MAPT: variants seen among roughly 807,000 people sequenced by gnomAD.
The protein encoded by MAPT is microtubule-associated protein tau.
A neutral mutation model predicts 67.9 loss-of-function variants in MAPT; 34 were observed. That is an observed-to-expected ratio of 0.50 (90% CI 0.38 to 0.67). The LOEUF is 0.67. Ranked by LOEUF, MAPT falls within the 30% of genes least tolerant of loss-of-function variation. The pLI is 0.00. For synonymous variants in MAPT, 456 were observed against 464.5 expected, an observed-to-expected ratio of 0.98 and a Z score of 0.23; for missense variants, 881 against 1,115.2, an observed-to-expected ratio of 0.79 and a Z score of 2.99.
intron 1 of MAPT, among the ~76,000 whole-genome samples, chr17:45,920,893 T>C (rs2065648078): frequency 6.6e-6 from 1 of 152,250 alleles, no homozygotes; most frequent in African/African-American, 2.4e-5. Context: ...CCTCATCTGC[T>C]GTTTAGCACC....
rs1285551568 is a variant in MAPT at position 45,903,864 on chromosome 17, T to A, written c.-18+9178T>A. 1.8e-4 allele frequency among the ~76,000 whole-genome samples: 5 copies of A among 28,378 alleles called. 1 individual carries two copies. The highest frequency in any genetic ancestry group is 6.9e-4 in the East Asian group (1 of 1,446). 18.6% of individuals were successfully genotyped at this position (28,378 alleles called of 152,430 possible). ...TTTTATATATTATATATTATATATA[T>A]TATATATTATATATTTATATATTTA... On this transcript the variant is annotated intron_variant, in intron 1 of 12. Transcript: ENST00000262410.
chr17:46,014,725 T>A (rs1289146697), intron 11 of MAPT, among the ~76,000 whole-genome samples: 1 of 151,838 alleles, frequency 6.6e-6, no homozygotes, highest in Non-Finnish European at 1.5e-5. Flanking sequence ...ATACAAAAAA[T>A]TAGCCGGGCG....
Position 45,971,381 on chromosome 17 carries a change from G to A in MAPT, c.134-478G>A, listed in dbSNP as rs1315728812. 1.3e-5 allele frequency among the ~76,000 whole-genome samples: 2 copies of A among 152,170 alleles called. No homozygotes were observed. Among genetic ancestry groups the A allele is most frequent in the Non-Finnish European group, 2.9e-5 (2 of 68,030 alleles). ...TGGTGGCGTCCAAACACCACCCAAT[G>A]TCCACTTAGAAGTAAGCACCGTGTC... On this transcript the variant is annotated intron_variant, in intron 2 of 12. Coordinates refer to ENST00000262410, the MANE Select transcript of MAPT (RefSeq NM_001377265.1). This position sits in a 1 kb window ranked among gnomAD's most constrained non-coding sequence, Gnocchi z 4.3.
intron 1 of MAPT, among the ~76,000 whole-genome samples, chr17:45,938,276 C>T (rs1056443715): frequency 1.3e-5 from 2 of 152,206 alleles, no homozygotes; most frequent in African/African-American, 4.8e-5. Context: ...CATTTTCTTC[C>T]TTTTTCCAGC....
At chr17:46,012,794 G>A (rs2075907163) in intron 10 of MAPT, among the ~76,000 whole-genome samples, 1 of 147,366 alleles carries the variant, frequency 6.8e-6, no homozygotes, top group Non-Finnish European at 1.5e-5. Context: ...CCAGGCCAGA[G>A]GGAAGAGGGA....
intron 1 of MAPT, among the ~76,000 whole-genome samples, chr17:45,920,612 C>A (rs543266846): frequency 6.6e-6 from 1 of 152,234 alleles, no homozygotes; most frequent in Admixed American, 6.5e-5. Context: ...CCTTGACCCT[C>A]CCTGGCCTTC....
chr17:46,000,422 G>T (rs1382663474), intron 9 of MAPT, among the ~76,000 whole-genome samples: 1 of 152,192 alleles, frequency 6.6e-6, no homozygotes, highest in Non-Finnish European at 1.5e-5. Context: ...CACCAGCTGG[G>T]TAGGGGTAGA....
At chr17:46,023,529 A>G (rs2076658309) in intron 12 of MAPT, among the ~76,000 whole-genome samples, 1 of 152,146 alleles carries the variant, frequency 6.6e-6, no homozygotes, top group Non-Finnish European at 1.5e-5. Context: ...GGTATTACCA[A>G]TTGGAAGACA....
chr17:45,946,615 A>AAAAAAAAAAAAAATATATATAT, intron 1 of MAPT, among the ~76,000 whole-genome samples: 4 of 100,400 alleles, frequency 4.0e-5, no homozygotes, highest in Non-Finnish European at 5.9e-5. Flanking sequence ...AAAAAAAAAA[A>AAAAAAAAAAAAAATATATATAT]ATATATATAT....
At position 45,978,415 on chromosome 17, in the gene MAPT, C is replaced by A. The variant is rs768654750; in HGVS notation, c.261C>A (p.Asp87Glu). 1.2e-6 allele frequency: 2 copies of A among 1,613,512 alleles called. No homozygotes were observed. The highest frequency in any genetic ancestry group is 2.2e-5 in the South Asian group (2 of 91,052). Residue 87 changes from aspartate to glutamate, a missense_variant, in exon 4 of 13, where the codon GAC becomes GAA. Transcript: ENST00000262410. ...TTGGAGACACCCCCAGCCTGGAAGA[C>A]GAAGCTGCTGGTCACGTGACCCAAG... The part of the protein sequence containing the change: ...AGIGDTPSLE[D>E]EAAGHVTQEE...
chr17:46,017,440 A>ATTTTTTTTTTTTTTTTTTTTTTTTTTT (rs76980614), intron 11 of MAPT, among the ~76,000 whole-genome samples: 8 of 63,002 alleles, frequency 1.3e-4, no homozygotes, highest in African/African-American at 2.4e-4. Context: ...TGCCTGGCTA[A>ATTTTTTTTTTTTTTTTTTTTTTTTTTT]TTTTTTTTTT....
intron 1 of MAPT, among the ~76,000 whole-genome samples, chr17:45,946,103 GAC>G (rs1273473842): frequency 6.6e-6 from 1 of 151,930 alleles, no homozygotes; most frequent in African/African-American, 2.4e-5. Flanking sequence ...GCCCAAGAAA[GAC>G]AGTTTTTTTT....
chr17:45,971,840 C>T lies in MAPT; in HGVS notation c.134-19C>T. ...TGGGGAGAGGCCACCGTTCTGAGGG[C>T]TCACTGTATGTGTTCCAGAATCTCC... On this transcript the variant is annotated intron_variant, in intron 2 of 12. Coordinates refer to ENST00000262410, the MANE Select transcript of MAPT (RefSeq NM_001377265.1). This position sits in a 1 kb window ranked among gnomAD's most constrained non-coding sequence, Gnocchi z 4.3. 1.9e-6 allele frequency: 3 copies of T among 1,578,910 alleles called. No homozygotes were observed. Among genetic ancestry groups the T allele is most frequent in the Non-Finnish European group, 2.6e-6 (3 of 1,147,958 alleles).
intron 1 of MAPT, among the ~76,000 whole-genome samples, chr17:45,926,938 CATATATATACATATATGTGT>C (rs377489389): frequency 0.02 from 2,254 of 111,718 alleles, 29 homozygotes; most frequent in Non-Finnish European, 0.039. Context: ...CATATATACA[CATATATATACATATATGTGT>C]ATATATATAC....
intron 1 of MAPT, among the ~76,000 whole-genome samples, chr17:45,926,958 TATATATATAC>T (rs991943924): frequency 1.0e-3 from 112 of 108,056 alleles, no homozygotes; most frequent in African/African-American, 2.1e-3. Context: ...CATATATGTG[TATATATATAC>T]ATATATGTGT....
At chr17:45,926,472 C>CTAAT (rs956971260) in intron 1 of MAPT, among the ~76,000 whole-genome samples, 3 of 151,852 alleles carry the variant, frequency 2.0e-5, no homozygotes, top group African/African-American at 7.3e-5. Context: ...CCACACCTGG[C>CTAAT]TAATTTTTTT....
chr17:46,025,466 G>A lies in MAPT; in HGVS notation c.*1295G>A, dbSNP rs1480129164. 3.3e-5 allele frequency: 5 copies of A among 152,736 alleles called. No homozygotes were observed. The highest frequency in any genetic ancestry group is 3.3e-4 in the Admixed American group (5 of 15,284). The allele number at this position is 152,736 out of a possible 1,614,324, so 9.5% of individuals were successfully genotyped here. ...GCAGGAGGTACCTACTCCATACTGA[G>A]GGTGAAATTAAGGGAAGGCAAAGTC... On this transcript the variant is annotated 3_prime_UTR_variant, in exon 13 of 13. Transcript: ENST00000262410.
At position 45,983,043 on chromosome 17, in the gene MAPT, G is replaced by A. The variant is rs116395699; in HGVS notation, c.464G>A (p.Arg155His). 1.1e-3 allele frequency: 1,639 copies of A among 1,513,028 alleles called. 10 individuals carry two copies. The African/African-American group carries it at 0.016, about 15-fold the overall frequency. The allele number at this position is 1,513,028 out of a possible 1,614,324, so 93.7% of individuals were successfully genotyped here. The change falls in exon 5 of 13, where the codon CGT becomes CAT. Residue 155 changes from arginine to histidine, a missense_variant. Transcript: ENST00000262410. ...VPLTASLPQH[R>H]PVCPAPPPTG... ...CTGACCGCGAGCCTTCCTCAGCACC[G>A]TCCCGTTTGCCCAGCGCCTCCTCCA...
intron 1 of MAPT, among the ~76,000 whole-genome samples, chr17:45,933,751 C>T (rs2067071767): frequency 6.6e-6 from 1 of 152,108 alleles, no homozygotes; most frequent in African/African-American, 2.4e-5. Flanking sequence ...TGCTAGGTCC[C>T]CAGTCACTTG....
Sources: allele counts gnomAD v4.1 joint callset (sites outside exome capture counted in the v4.1 genomes callset), GRCh38; gene constraint gnomAD v4.1.1; non-coding constraint Gnocchi (gnomAD v3.1); transcripts MANE v1.5; gene names NCBI Gene and HGNC (gene_info 2026-07-23, HGNC 2026-07-21).